Variants in STOX1 observed in about 807,000 individuals in gnomAD.
STOX1 encodes the protein storkhead-box protein 1.
Under a neutral mutation model 74.8 loss-of-function variants are expected in STOX1, and 57 were observed. The observed-to-expected ratio is 0.76, with a 90% CI of 0.62 to 0.95. The LOEUF (loss-of-function observed/expected upper bound fraction) is 0.95. Ranked by LOEUF, STOX1 falls within the 40% of genes least tolerant of loss-of-function variation. The pLI is 0.00. For missense variants in STOX1, 1,010 were observed against 1,117.0 expected (o/e 0.90, Z 1.37); for synonymous variants, 375 against 401.3 (o/e 0.93, Z 0.78).
intron 1 of STOX1, among the ~76,000 whole-genome samples, chr10:68,852,736 C>T (rs927946127): frequency 1.3e-5 from 2 of 151,692 alleles, no homozygotes; most frequent in Non-Finnish European, 2.9e-5. Context: ...GCACATGCCA[C>T]CATGCCTGGC....
At chr10:68,883,916 G>A (rs150588367) in intron 2 of STOX1, among the ~76,000 whole-genome samples, 60 of 148,598 alleles carry the variant, frequency 4.0e-4, no homozygotes, top group African/African-American at 1.4e-3. Context: ...TAGAGATGAA[G>A]TCTTGCTATG....
Position 68,827,537 on chromosome 10 carries a change from G to A in STOX1, c.-87G>A, listed in dbSNP as rs571820110. The A allele has an allele frequency of 2.5e-4, 229 of 913,374 alleles. No individual in the cohort carries two copies. In the African/African-American group the frequency reaches 3.9e-3, roughly 16 times the overall value. 56.6% of individuals were successfully genotyped at this position (913,374 alleles called of 1,614,324 possible). A position where few individuals can be genotyped will look rare whatever the true frequency, so the allele number is the denominator to read the frequency against. The stretch of plus-strand genomic sequence containing the variant: ...CAGCGCCGCGGACCCGCGCGCAGTC[G>A]GCCGATCCTCCCGCCGAGCGAGCGG... On this transcript the variant is annotated 5_prime_UTR_variant, in exon 1 of 4. Transcript: ENST00000298596.
chr10:68,876,392 G>A (rs1348072546), intron 1 of STOX1, among the ~76,000 whole-genome samples: 1 of 151,956 alleles, frequency 6.6e-6, no homozygotes, highest in African/African-American at 2.4e-5. Flanking sequence ...CCGACCTCAG[G>A]TGATCCGCCC....
At chr10:68,846,386 T>C (rs1038274942) in intron 1 of STOX1, among the ~76,000 whole-genome samples, 1 of 151,970 alleles carries the variant, frequency 6.6e-6, no homozygotes, top group African/African-American at 2.4e-5. Flanking sequence ...CTGACCTCAG[T>C]TGATCCACCT....
chr10:68,837,861 C>T (rs61869914), intron 1 of STOX1, among the ~76,000 whole-genome samples: 7 of 151,750 alleles, frequency 4.6e-5, no homozygotes, highest in Admixed American at 3.3e-4. Flanking sequence ...CAATAAGATA[C>T]CATCTATGCA....
At position 68,893,012 on chromosome 10, in the gene STOX1, T is replaced by C; in HGVS notation, c.*276T>C. The C allele has an allele frequency of 3.2e-6, 1 of 309,868 alleles. No individual in the cohort carries two copies. The highest frequency in any genetic ancestry group is 6.0e-6 in the Non-Finnish European group (1 of 167,504). 19.2% of individuals were successfully genotyped at this position (309,868 alleles called of 1,614,324 possible). On this transcript the variant is annotated 3_prime_UTR_variant, in exon 4 of 4. Transcript: ENST00000298596. ...ATTGGTCCCCTTCCAATTGTAATTA[T>C]CTTGAATTTTTATACATTAGTTTCT... is the stretch of plus-strand genomic sequence containing the variant.
At chr10:68,842,882 T>G (rs920600231) in intron 1 of STOX1, among the ~76,000 whole-genome samples, 11 of 151,562 alleles carry the variant, frequency 7.3e-5, no homozygotes, top group Non-Finnish European at 1.3e-4. Context: ...GATTAGGAGG[T>G]CCCTTGTGAA....
intron 1 of STOX1, among the ~76,000 whole-genome samples, chr10:68,872,719 T>C (rs1026884293): frequency 6.6e-6 from 1 of 152,114 alleles, no homozygotes; most frequent in African/African-American, 2.4e-5. Flanking sequence ...AATGTTAGGA[T>C]GTGGGTGCTT....
intron 1 of STOX1, among the ~76,000 whole-genome samples, chr10:68,855,205 C>G (rs1273594960): frequency 6.6e-6 from 1 of 151,138 alleles, no homozygotes; most frequent in African/African-American, 2.4e-5. Flanking sequence ...ACTGCAACCT[C>G]CGTCTCCTGG....
chr10:68,881,925 C>A (rs1840820871), intron 1 of STOX1, 33 bp from the exon 2 acceptor site: 4 of 1,612,716 alleles, frequency 2.5e-6, no homozygotes, highest in African/African-American at 1.3e-5. Context: ...ATTTATCAAC[C>A]CCCTCCCCCT....
chr10:68,876,119 A>AATATATATATATATATATATATATAT (rs56325624), intron 1 of STOX1, among the ~76,000 whole-genome samples: 1 of 135,736 alleles, frequency 7.4e-6, no homozygotes, highest in Non-Finnish European at 1.6e-5. Context: ...TCTTTACCAG[A>AATATATATATATATATATATATATAT]ATATATATAT....
chr10:68,854,156 G>A (rs1257533214), intron 1 of STOX1, among the ~76,000 whole-genome samples: 3 of 151,094 alleles, frequency 2.0e-5, no homozygotes, highest in East Asian at 3.9e-4. Flanking sequence ...CCACCACGCT[G>A]GGCTAATTTC....
chr10:68,833,491 T>G (rs1406266367), intron 1 of STOX1, among the ~76,000 whole-genome samples: 1 of 151,998 alleles, frequency 6.6e-6, no homozygotes, highest in African/African-American at 2.4e-5. Flanking sequence ...TCCTGTCCCT[T>G]TTAAGGGCTC....
At chr10:68,847,052 T>A (rs923289538) in intron 1 of STOX1, 1 of 152,216 alleles carries the variant, frequency 6.6e-6, no homozygotes, top group African/African-American at 2.4e-5. Flanking sequence ...ATGTACCTTT[T>A]GACCTTGGAG....
chr10:68,854,801 A>G (rs981074837), intron 1 of STOX1, among the ~76,000 whole-genome samples: 2 of 152,146 alleles, frequency 1.3e-5, no homozygotes, highest in African/African-American at 2.4e-5. Flanking sequence ...CCCTGGTAAC[A>G]AAGAGTTTAC....
At chr10:68,862,006 C>G (rs966449134) in intron 1 of STOX1, among the ~76,000 whole-genome samples, 2 of 152,032 alleles carry the variant, frequency 1.3e-5, no homozygotes, top group Non-Finnish European at 1.5e-5. Context: ...AGCCACATTA[C>G]AGTTTGTGGG....
At chr10:68,881,864 A>G (rs1840819826) in intron 1 of STOX1, 94 bp from the exon 2 acceptor site, 5 of 1,404,658 alleles carry the variant, frequency 3.6e-6, no homozygotes, top group South Asian at 1.2e-5. Context: ...AATTCTACCT[A>G]TTAGTCTTTA....
intron 1 of STOX1, among the ~76,000 whole-genome samples, chr10:68,836,992 A>G (rs927919147): frequency 6.6e-6 from 1 of 152,096 alleles, no homozygotes; most frequent in African/African-American, 2.4e-5. Context: ...TGAAGCACCC[A>G]CACCATGCTG....
At chr10:68,888,802 A>ATTTTTT (rs35174437) in intron 3 of STOX1, among the ~76,000 whole-genome samples, 775 of 32,090 alleles carry the variant, frequency 0.024, 150 homozygotes, top group African/African-American at 0.039. Flanking sequence ...TGCCCAGCTA[A>ATTTTTT]TTTTTTTTTT....
Sources: allele counts gnomAD v4.1 joint callset (sites outside exome capture counted in the v4.1 genomes callset), GRCh38; gene constraint gnomAD v4.1.1; transcripts MANE v1.5; gene names NCBI Gene and HGNC (gene_info 2026-07-23, HGNC 2026-07-21).